RAB37: variants seen among roughly 807,000 people sequenced by gnomAD.
The protein encoded by RAB37 is ras-related protein Rab-37.
Under a neutral mutation model 33.1 loss-of-function variants are expected in RAB37, and 29 were observed. The ratio of observed to expected loss-of-function variants is 0.88; its 90% confidence interval spans 0.65 to 1.20. The LOEUF (loss-of-function observed/expected upper bound fraction) is 1.20. Ranked by LOEUF, RAB37 falls within the 50% of genes most tolerant of loss-of-function variation. RAB37 has a pLI of 0.00. For missense variants in RAB37, 299 were observed against 301.1 expected (o/e 0.99, Z 0.05); for synonymous variants, 128 against 119.5 (o/e 1.07, Z -0.47).
upstream of RAB37, among the ~76,000 whole-genome samples, chr17:74,732,748 A>AGGTGTGTGTGGTATGAGT (rs1567811434): frequency 2.3e-5 from 1 of 43,160 alleles, no homozygotes; most frequent in African/African-American, 8.5e-5. Flanking sequence ...GGTGTGTGTG[A>AGGTGTGTGTGGTATGAGT]TGAGGTGTGT....
In RAB37 at chr17:74,681,258, G is replaced by A. The variant is rs140424072; in HGVS notation, c.72+9600G>A. On this transcript the variant is annotated intron_variant, in intron 1 of 7. Coordinates refer to the RAB37 transcript ENST00000340415. The stretch of plus-strand genomic sequence containing the variant: ...ACCAGGTCAAAAGCTTGCAGCTCTC[G>A]AGGCTGCCAACTTCTGGCTCCTGGC... Among the ~76,000 whole-genome samples, 352 of 152,278 alleles carry A rather than the reference G, an allele frequency of 2.3e-3. 1 individual carries two copies. The highest frequency in any genetic ancestry group is 6.7e-3 in the Admixed American group (103 of 15,294).
chr17:74,743,230 C>T (rs1227220814), intron 4 of RAB37, 35 bp downstream of exon 4: 1 of 1,613,538 alleles, frequency 6.2e-7, no homozygotes, highest in Non-Finnish European at 8.5e-7. Context: ...CCTACCCCAG[C>T]CCCTTGGTAG....
intron 1 of RAB37, among the ~76,000 whole-genome samples, chr17:74,685,806 A>G (rs1486357521): frequency 6.6e-6 from 1 of 152,220 alleles, no homozygotes; most frequent in Non-Finnish European, 1.5e-5. Context: ...TAAACACCAA[A>G]GCAAAATCAA....
At chr17:74,687,615 T>C (rs1024669910) in intron 1 of RAB37, among the ~76,000 whole-genome samples, 3 of 152,174 alleles carry the variant, frequency 2.0e-5, no homozygotes, top group African/African-American at 7.2e-5. Context: ...GGAAGGGGCT[T>C]GTGCTGGGGC....
At chr17:74,685,658 C>A (rs945259027) in intron 1 of RAB37, among the ~76,000 whole-genome samples, 3 of 152,172 alleles carry the variant, frequency 2.0e-5, no homozygotes, top group African/African-American at 7.2e-5. Flanking sequence ...GACCCTAACT[C>A]TTCTCCTTAT....
intron 1 of RAB37, among the ~76,000 whole-genome samples, chr17:74,715,590 G>T (rs910426003): frequency 7.2e-5 from 11 of 152,184 alleles, no homozygotes; most frequent in Non-Finnish European, 1.5e-4. Context: ...TGCATCGAGG[G>T]TGGTGGGGTA....
Position 74,745,478 on chromosome 17 carries a change from C to A in RAB37, c.*67C>A. The A allele has an allele frequency of 2.2e-6, 3 of 1,346,596 alleles. No individual in the cohort carries two copies. The highest frequency in any genetic ancestry group is 3.2e-6 in the Non-Finnish European group (3 of 941,404). 83.4% of individuals were successfully genotyped at this position (1,346,596 alleles called of 1,614,324 possible). A position where few individuals can be genotyped will look rare whatever the true frequency, so the allele number is the denominator to read the frequency against. On this transcript the variant is annotated 3_prime_UTR_variant, in exon 9 of 9. Coordinates refer to ENST00000392613, the MANE Select transcript of RAB37 (RefSeq NM_001006638.3). This position sits in a 1 kb window ranked among gnomAD's most constrained non-coding sequence, Gnocchi z 4.5. ...GCAGCCTTCCCCCTCCCAGGCCTGG[C>A]TTATTCCAAGAGGCTGAGCCAATGG...
chr17:74,744,303 C>T lies in RAB37; in HGVS notation c.367-5C>T. 2 of 1,612,446 alleles carry T rather than the reference C, an allele frequency of 1.2e-6. No homozygotes were observed. Among genetic ancestry groups the T allele is most frequent in the Non-Finnish European group, 8.5e-7 (1 of 1,179,098 alleles). ...AATGCCAGTCTCGCACGCCCTCTCC[C>T]ACAGGCCTGGCTCACTGAGATTCAT... On this transcript the variant is annotated splice_polypyrimidine_tract_variant and splice_region_variant and intron_variant, in intron 5 of 8. Transcript: ENST00000392613. This position sits in a 1 kb window ranked among gnomAD's most constrained non-coding sequence, Gnocchi z 4.2.
chr17:74,693,614 C>T (rs1384177062), intron 1 of RAB37, among the ~76,000 whole-genome samples: 11 of 151,922 alleles, frequency 7.2e-5, no homozygotes, highest in Admixed American at 3.3e-4. Context: ...GGAAGGAAGG[C>T]TGTCAGATTG....
At chr17:74,727,567 G>T (rs761836019) in intron 1 of RAB37, among the ~76,000 whole-genome samples, 2 of 152,226 alleles carry the variant, frequency 1.3e-5, no homozygotes, top group Non-Finnish European at 2.9e-5. Context: ...GCTGTGCTCC[G>T]CCTTTGGCTG....
Position 74,737,301 on chromosome 17 carries a change from C to T in RAB37, c.29C>T (p.Thr10Ile), listed in dbSNP as rs2034499824. 3.2e-6 allele frequency: 5 copies of T among 1,575,922 alleles called. No homozygotes were observed. The highest frequency in any genetic ancestry group is 4.3e-6 in the Non-Finnish European group (5 of 1,168,272). Residue 10 changes from threonine to isoleucine, a missense_variant, in exon 1 of 9, where the codon ACC (threonine) becomes ATC (isoleucine). Coordinates refer to ENST00000392613, the MANE Select transcript of RAB37 (RefSeq NM_001006638.3). The stretch of plus-strand genomic sequence containing the variant: ...ACGGGCACGCCAGGCGCCGTTGCCA[C>T]CCGGGATGGCGAGGCCCCCGAGCGC... Reference protein sequence around the residue: MTGTPGAVATRDGEAPERSP... With the variant: MTGTPGAVAIRDGEAPERSP...
chr17:74,682,663 G>T (rs2031977880), intron 1 of RAB37, among the ~76,000 whole-genome samples: 1 of 152,336 alleles, frequency 6.6e-6, no homozygotes, highest in African/African-American at 2.4e-5. Context: ...CCAGCACTTT[G>T]GGAGGTCAAG....
At chr17:74,673,257 G>A (rs35577836) in intron 1 of RAB37, among the ~76,000 whole-genome samples, 2 of 151,500 alleles carry the variant, frequency 1.3e-5, no homozygotes, top group South Asian at 2.1e-4. Flanking sequence ...ACAAAAATTC[G>A]CTGGGCATGG....
At chr17:74,687,711 C>G (rs971119141) in intron 1 of RAB37, among the ~76,000 whole-genome samples, 10 of 152,162 alleles carry the variant, frequency 6.6e-5, no homozygotes, top group African/African-American at 2.4e-4. Context: ...TCATCAGCCT[C>G]CAAACAAAGA....
intron 1 of RAB37, among the ~76,000 whole-genome samples, chr17:74,674,050 C>A (rs2143451974): frequency 6.6e-6 from 1 of 152,228 alleles, no homozygotes; most frequent in Middle Eastern, 3.4e-3. Context: ...CCATGAGAAG[C>A]AGGGCTCCCC....
At position 74,677,886 on chromosome 17, in the gene RAB37, T is replaced by C. The variant is rs893743164; in HGVS notation, c.72+6228T>C. Among the ~76,000 whole-genome samples the C allele has an allele frequency of 3.3e-5, 5 of 152,166 alleles. 1 individual carries two copies. The highest frequency in any genetic ancestry group is 2.0e-4 in the Admixed American group (3 of 15,278). On this transcript the variant is annotated intron_variant, in intron 1 of 7. Transcript: ENST00000340415. The stretch of plus-strand genomic sequence containing the variant: ...TCTCCTAAGCATCCTTTCCTTTAAT[T>C]TGTGGTCCCTGGGGCCTTTTGTGAG...
rs1598313236 is a variant in RAB37, at chr17:74,730,867, C to T, written c.183+1501C>T. ...TGAGATCTCCAAATTTTGCCGCTAG[C>T]TTGGCAAGAAAATTGAGGCCGATTT... On this transcript the variant is annotated intron_variant, in intron 2 of 7. Transcript: ENST00000340415. This position sits in a 1 kb window ranked among gnomAD's most constrained non-coding sequence, Gnocchi z 4.4. Among the ~76,000 whole-genome samples, 2 of 152,324 alleles carry T rather than the reference C, an allele frequency of 1.3e-5. No homozygotes were observed. The highest frequency in any genetic ancestry group is 6.8e-3 in the Middle Eastern group (2 of 294).
chr17:74,680,823 A>G (rs2031940058), intron 1 of RAB37, among the ~76,000 whole-genome samples: 1 of 113,294 alleles, frequency 8.8e-6, no homozygotes, highest in Non-Finnish European at 2.3e-5. Flanking sequence ...CAGAGTTGTC[A>G]TTTCATACTT....
chr17:74,718,029 C>T (rs932402793), intron 1 of RAB37, among the ~76,000 whole-genome samples: 3 of 151,982 alleles, frequency 2.0e-5, no homozygotes, highest in Admixed American at 1.3e-4. Context: ...GGCATAGTGG[C>T]CCACACCTGT....
Sources: gnomAD v4.1 joint callset for allele counts (sites outside exome capture counted in the v4.1 genomes callset) on GRCh38, gnomAD v4.1.1 for gene constraint, Gnocchi (gnomAD v3.1) non-coding constraint, MANE v1.5 for transcripts, NCBI Gene and HGNC (gene_info 2026-07-23, HGNC 2026-07-21) for gene names.